TBC1D21: variants seen among roughly 807,000 people sequenced by gnomAD.
The protein encoded by TBC1D21 is male germ cell Rab GTPase-activating protein.
TBC1D21 carries 38 observed loss-of-function variants against 46.0 expected under a neutral mutation model. The ratio of observed to expected loss-of-function variants is 0.83; its 90% CI spans 0.64 to 1.08. The LOEUF (loss-of-function observed/expected upper bound fraction) is 1.08. Among genes scored for constraint, TBC1D21 ranks in the 50% least tolerant of loss-of-function variants. The pLI is 0.00. For synonymous variants in TBC1D21, 151 were observed against 157.2 expected, an observed-to-expected ratio of 0.96 and a Z score of 0.29; for missense variants, 415 against 417.9, an observed-to-expected ratio of 0.99 and a Z score of 0.06.
At chr15:73,877,912 G>A (rs2068094549) in intron 1 of TBC1D21, among the ~76,000 whole-genome samples, 1 of 152,190 alleles carries the variant, frequency 6.6e-6, no homozygotes, top group African/African-American at 2.4e-5. Flanking sequence ...GGAAGGGACT[G>A]TCTTCAACCT....
At chr15:73,893,830 T>C (rs2068355556), downstream of TBC1D21, among the ~76,000 whole-genome samples, 2 of 152,196 alleles carry the variant, frequency 1.3e-5, no homozygotes, top group Admixed American at 1.3e-4. Context: ...GGGCCTCCAC[T>C]GCCCAGGACC....
chr15:73,899,534 G>A, the TBC1D21 span, among the ~76,000 whole-genome samples: 3,055 of 152,272 alleles, frequency 0.02, 111 homozygotes, highest in African/African-American at 0.07. Flanking sequence ...TAGTGGAAAG[G>A]AGAGAGTAAG....
chr15:73,884,561 C>T (rs371047827), intron 4 of TBC1D21, among the ~76,000 whole-genome samples: 2 of 152,108 alleles, frequency 1.3e-5, no homozygotes, highest in East Asian at 1.9e-4. Flanking sequence ...CATTCCTGGC[C>T]GAGGGTACGG....
chr15:73,874,169 C>T (rs1362210475), intron 1 of TBC1D21, among the ~76,000 whole-genome samples: 1 of 152,170 alleles, frequency 6.6e-6, no homozygotes, highest in Admixed American at 6.5e-5. Flanking sequence ...TGTTAGAAGT[C>T]GGCTTCAGTC....
chr15:73,904,041 C>G, the TBC1D21 span, among the ~76,000 whole-genome samples: 1 of 151,026 alleles, frequency 6.6e-6, no homozygotes, highest in East Asian at 1.9e-4. Context: ...GAGCGAGACT[C>G]CGTCTCAAAA....
At chr15:73,876,225 T>TTTTTTTTTTTTTTGTTTG (rs2068063460) in intron 1 of TBC1D21, among the ~76,000 whole-genome samples, 2 of 59,008 alleles carry the variant, frequency 3.4e-5, no homozygotes, top group South Asian at 6.7e-4. Context: ...TTTTTTTTTT[T>TTTTTTTTTTTTTTGTTTG]TTTTTTTTTT....
intron 1 of TBC1D21, among the ~76,000 whole-genome samples, chr15:73,876,225 T>TTTGTTTG (rs2068063134): frequency 1.7e-5 from 1 of 59,008 alleles, no homozygotes; most frequent in African/African-American, 8.0e-5. Flanking sequence ...TTTTTTTTTT[T>TTTGTTTG]TTTTTTTTTT....
the TBC1D21 span, among the ~76,000 whole-genome samples, chr15:73,896,436 G>GT: frequency 1.3e-5 from 2 of 152,064 alleles, no homozygotes; most frequent in African/African-American, 2.4e-5. Context: ...CCATGGTAGA[G>GT]TGGTGGGGGC....
intron 1 of TBC1D21, among the ~76,000 whole-genome samples, chr15:73,876,577 G>C (rs576346991): frequency 5.9e-5 from 9 of 151,962 alleles, no homozygotes; most frequent in African/African-American, 1.7e-4. Context: ...ATTCAACCAC[G>C]GCAAAGTAGG....
the TBC1D21 span, among the ~76,000 whole-genome samples, chr15:73,898,601 T>C: frequency 2.2e-4 from 34 of 152,090 alleles, no homozygotes; most frequent in Non-Finnish European, 3.8e-4. Context: ...CGGTGGCTCA[T>C]GTCTGTAATC....
At position 73,888,513 on chromosome 15, in the gene TBC1D21, T is replaced by G; in HGVS notation, c.978T>G (p.Asp326Glu). Reference protein sequence around the residue: ...CVVYAELIQKDVPQTLKDFFL With the variant: ...CVVYAELIQKEVPQTLKDFFL ...TTTATGCTGAGCTCATCCAGAAGGA[T>G]GTAAGTTGCCCCAATGATGTGTCCT... Residue 326 changes from aspartate to glutamate, a missense_variant and splice_region_variant, in exon 10 of 11, where the codon GAT becomes GAG. Transcript: ENST00000300504. 1.2e-6 allele frequency: 2 copies of G among 1,613,834 alleles called. No individual in the cohort carries two copies. Among genetic ancestry groups the G allele is most frequent in the Non-Finnish European group, 1.7e-6 (2 of 1,179,864 alleles).
downstream of TBC1D21, among the ~76,000 whole-genome samples, chr15:73,890,413 G>C (rs1349246209): frequency 6.6e-6 from 1 of 152,178 alleles, no homozygotes; most frequent in African/African-American, 2.4e-5. Flanking sequence ...ATGTTTGCTG[G>C]GCAGGGAGGC....
chr15:73,894,085 C>T (rs927431195), downstream of TBC1D21, among the ~76,000 whole-genome samples: 9 of 152,210 alleles, frequency 5.9e-5, no homozygotes, highest in African/African-American at 1.9e-4. Context: ...AGCGAGGAAC[C>T]TGAGGCACTG....
downstream of TBC1D21, among the ~76,000 whole-genome samples, chr15:73,891,180 C>A (rs2068333808): frequency 6.6e-6 from 1 of 152,204 alleles, no homozygotes; most frequent in Admixed American, 6.5e-5. Flanking sequence ...ATAATTCATT[C>A]ATTTATTCCC....
chr15:73,905,495 T>C, the TBC1D21 span, among the ~76,000 whole-genome samples: 1 of 152,184 alleles, frequency 6.6e-6, no homozygotes, highest in Non-Finnish European at 1.5e-5. Context: ...ATTCAGGCAC[T>C]TTACCTTGTC....
At chr15:73,890,639 T>C (rs1005266747), downstream of TBC1D21, among the ~76,000 whole-genome samples, 6 of 152,244 alleles carry the variant, frequency 3.9e-5, no homozygotes, top group East Asian at 3.8e-4. Flanking sequence ...ATGAACATTT[T>C]CTAATGCTTC....
At chr15:73,909,636 CCTT>C in the TBC1D21 span, 1 of 152,122 alleles carries the variant, frequency 6.6e-6, no homozygotes, top group South Asian at 2.1e-4. Flanking sequence ...AATTGTCTGA[CCTT>C]CTTTCTTCTA....
chr15:73,881,154 C>A (rs533381481), intron 1 of TBC1D21, among the ~76,000 whole-genome samples: 1 of 152,322 alleles, frequency 6.6e-6, no homozygotes, highest in Admixed American at 6.5e-5. Context: ...TACTTAACTA[C>A]CCCCTTATTG....
Position 73,881,279 on chromosome 15 carries a change from G to C in TBC1D21, c.61-120G>C, listed in dbSNP as rs900518339. On this transcript the variant is annotated intron_variant, in intron 1 of 10. Transcript: ENST00000300504. ...AGTAATGTCCTCAAGATAGATTTCC[G>C]AAGTAAGTCAGGCTGTGCGCTTTGA... The C allele has an allele frequency of 3.6e-5, 24 of 674,800 alleles. No homozygotes were observed. In the South Asian group the frequency reaches 4.8e-4, roughly 14 times the overall value. 41.8% of individuals were successfully genotyped at this position (674,800 alleles called of 1,614,324 possible). A position where few individuals can be genotyped will look rare whatever the true frequency, so the allele number is the denominator to read the frequency against.
Sources: allele counts gnomAD v4.1 joint callset (sites outside exome capture counted in the v4.1 genomes callset), GRCh38; gene constraint gnomAD v4.1.1; transcripts MANE v1.5; gene names NCBI Gene and HGNC (gene_info 2026-07-23, HGNC 2026-07-21).